BCAS3: variants seen among roughly 807,000 people sequenced by gnomAD.
BCAS3 encodes BCAS3 microtubule associated cell migration factor.
A neutral mutation model predicts 116.1 loss-of-function variants in BCAS3; 53 were observed. That is an observed-to-expected ratio of 0.46 (90% CI 0.37 to 0.57). The LOEUF is 0.57. Among genes scored for constraint, BCAS3 ranks in the 20% least tolerant of loss-of-function variants. BCAS3 has a pLI of 0.00. For synonymous variants in BCAS3, 391 were observed against 408.2 expected, an observed-to-expected ratio of 0.96 and a Z score of 0.51; for missense variants, 917 against 1,165.4, an observed-to-expected ratio of 0.79 and a Z score of 3.10.
intron 10 of BCAS3, among the ~76,000 whole-genome samples, chr17:60,896,681 CT>C (rs898960216): frequency 6.7e-6 from 1 of 149,100 alleles, no homozygotes; most frequent in African/African-American, 2.5e-5. Flanking sequence ...TGGAATATCT[CT>C]TTTTTTTTCC....
chr17:61,350,414 CAATAAATAAATA>C (rs55888678), intron 22 of BCAS3, among the ~76,000 whole-genome samples: 26 of 136,760 alleles, frequency 1.9e-4, no homozygotes, highest in Admixed American at 5.9e-4. Flanking sequence ...GACTCTGTCT[CAATAAATAAATA>C]AATAAATAAA....
intron 22 of BCAS3, among the ~76,000 whole-genome samples, chr17:61,197,722 C>T (rs1207318159): frequency 1.3e-5 from 2 of 152,148 alleles, no homozygotes; most frequent in African/African-American, 4.8e-5. Context: ...AAGAATAGTG[C>T]CAAGCCAGTC....
chr17:61,264,244 A>T (rs950562996), intron 22 of BCAS3, among the ~76,000 whole-genome samples: 1 of 152,108 alleles, frequency 6.6e-6, no homozygotes, highest in Non-Finnish European at 1.5e-5. Flanking sequence ...TTCTACTTCT[A>T]AGTATGTAAT....
intron 22 of BCAS3, among the ~76,000 whole-genome samples, chr17:61,246,792 A>AGAGTGTGTGTGTGT (rs932168562): frequency 6.9e-6 from 1 of 144,130 alleles, no homozygotes; most frequent in African/African-American, 2.5e-5. Flanking sequence ...TTTGAGTGAG[A>AGAGTGTGTGTGTGT]GTGTGTGTGT....
chr17:61,216,011 T>C (rs2081763991), intron 22 of BCAS3, among the ~76,000 whole-genome samples: 1 of 152,248 alleles, frequency 6.6e-6, no homozygotes, highest in African/African-American at 2.4e-5. Context: ...CGCTGATATT[T>C]CAGAACACTC....
chr17:61,093,123 G>T (rs566223138), intron 22 of BCAS3, among the ~76,000 whole-genome samples: 1 of 151,860 alleles, frequency 6.6e-6, no homozygotes, highest in East Asian at 1.9e-4. Flanking sequence ...GGCCAGGCTG[G>T]TCTCGAGCTC....
intron 8 of BCAS3, among the ~76,000 whole-genome samples, chr17:60,870,956 T>C (rs1160855814): frequency 6.6e-6 from 1 of 152,226 alleles, no homozygotes. Context: ...AAGTTCTTTC[T>C]AGCACAAGTT....
Position 61,161,322 on chromosome 17 carries a change from A to G in BCAS3, c.2425+76758A>G, listed in dbSNP as rs1456689951. ...GAAAAGTGTTAAATATTTCTTATCA[A>G]ATATTGTTAAAGAGGTATTCTGGTT... On this transcript the variant is annotated intron_variant, in intron 22 of 23. Coordinates refer to ENST00000407086, the MANE Select transcript of BCAS3 (RefSeq NM_017679.5). This position sits in a 1 kb window ranked among gnomAD's most constrained non-coding sequence, Gnocchi z 4.8. Among the ~76,000 whole-genome samples, 1 of 152,196 alleles carries G rather than the reference A, an allele frequency of 6.6e-6. No individual in the cohort carries two copies. The highest frequency in any genetic ancestry group is 2.4e-5 in the African/African-American group (1 of 41,452).
At chr17:60,932,887 C>T (rs889311812) in intron 13 of BCAS3, among the ~76,000 whole-genome samples, 2 of 151,680 alleles carry the variant, frequency 1.3e-5, no homozygotes, top group African/African-American at 4.8e-5. Context: ...TAAAATACCC[C>T]ATGGAGGCTG....
intron 14 of BCAS3, among the ~76,000 whole-genome samples, chr17:60,972,926 G>T (rs1179377445): frequency 2.0e-5 from 3 of 152,266 alleles, no homozygotes; most frequent in African/African-American, 7.2e-5. Flanking sequence ...GCTATATGCA[G>T]TTATCTTTAT....
Position 61,338,182 on chromosome 17 carries a change from G to A in BCAS3, c.2426-30145G>A, listed in dbSNP as rs183590771. On this transcript the variant is annotated intron_variant, in intron 22 of 23. Transcript: ENST00000407086. ...GTCATCCCTGTGGCCAGTCTCTGGC[G>A]GGGGCGGTAGGGGACAAACACTTTC... is the stretch of plus-strand genomic sequence containing the variant. Among the ~76,000 whole-genome samples the A allele has an allele frequency of 1.2e-4, 19 of 152,322 alleles. No individual in the cohort carries two copies. The East Asian group carries it at 1.5e-3, about 12-fold the overall frequency.
chr17:60,735,914 G>A (rs2040908140), intron 5 of BCAS3, among the ~76,000 whole-genome samples: 2 of 143,270 alleles, frequency 1.4e-5, no homozygotes, highest in Non-Finnish European at 2.9e-5. Context: ...GTAGCTTATC[G>A]ATGTGATGGC....
Position 60,993,125 on chromosome 17 carries a change from T to G in BCAS3, c.1486+2890T>G, listed in dbSNP as rs1446363757. On this transcript the variant is annotated intron_variant, in intron 15 of 23. Coordinates refer to ENST00000407086, the MANE Select transcript of BCAS3 (RefSeq NM_017679.5). This position sits in a 1 kb window ranked among gnomAD's most constrained non-coding sequence, Gnocchi z 4.2. ...TTTTTGTGTTAAGATTCAAGCATAA[T>G]GTGCACAAAAGATTGTGGGCATTCC... Among the ~76,000 whole-genome samples the G allele has an allele frequency of 6.6e-6, 1 of 152,222 alleles. No individual in the cohort carries two copies. The highest frequency in any genetic ancestry group is 2.4e-5 in the African/African-American group (1 of 41,462).
rs373741883 is a variant in BCAS3 at position 60,976,442 on chromosome 17, T to TATATA, written c.1222-13529_1222-13528insATATA. ...TTTGGAAACAATATATATATATATA[T>TATATA]TTTTTTTTTAGTATTTATTGATCAT... On this transcript the variant is annotated intron_variant, in intron 14 of 23. Transcript: ENST00000407086. Among the ~76,000 whole-genome samples the TATATA allele has an allele frequency of 4.1e-4, 57 of 138,962 alleles. 1 individual carries two copies. The highest frequency in any genetic ancestry group is 1.7e-3 in the Admixed American group (25 of 14,398). The allele number at this position is 138,962 out of a possible 152,430, so 91.2% of individuals were successfully genotyped here. A position where few individuals can be genotyped will look rare whatever the true frequency, so the allele number is the denominator to read the frequency against.
At chr17:60,740,151 C>T (rs1365380503) in intron 5 of BCAS3, among the ~76,000 whole-genome samples, 1 of 151,962 alleles carries the variant, frequency 6.6e-6, no homozygotes, top group African/African-American at 2.4e-5. Flanking sequence ...TGTTGAGTCT[C>T]TTCAGATTGT....
chr17:60,714,036 C>T (rs1226396828), intron 5 of BCAS3, among the ~76,000 whole-genome samples: 1 of 152,188 alleles, frequency 6.6e-6, no homozygotes, highest in African/African-American at 2.4e-5. Flanking sequence ...GGGGTTTCAC[C>T]ATGTTGGCCA....
chr17:61,052,715 C>CTTTTTTTTTTTTTT (rs60772345), intron 19 of BCAS3, among the ~76,000 whole-genome samples: 1 of 124,946 alleles, frequency 8.0e-6, no homozygotes, highest in Non-Finnish European at 1.7e-5. Flanking sequence ...TTCTTTCTTT[C>CTTTTTTTTTTTTTT]TTTTTTTTTT....
chr17:61,355,865 A>AGG lies in BCAS3; in HGVS notation c.2426-12461_2426-12460dup, dbSNP rs2058108471. Among the ~76,000 whole-genome samples the AGG allele has an allele frequency of 6.6e-6, 1 of 152,178 alleles. No individual in the cohort carries two copies. ...TTGTTTTTCCATTGAAGGAATTGCT[A>AGG]GGTTTCCGAGGATAGTTTGTCTTGC... On this transcript the variant is annotated intron_variant, in intron 22 of 23. Coordinates refer to ENST00000407086, the MANE Select transcript of BCAS3 (RefSeq NM_017679.5). This position sits in a 1 kb window ranked among gnomAD's most constrained non-coding sequence, Gnocchi z 4.2.
intron 15 of BCAS3, among the ~76,000 whole-genome samples, chr17:60,999,534 G>T (rs532176819): frequency 7.0e-6 from 1 of 142,138 alleles, no homozygotes; most frequent in East Asian, 2.0e-4. Flanking sequence ...GCGACAGGGT[G>T]AGACTGTGTC....
Sources: allele counts gnomAD v4.1 joint callset (sites outside exome capture counted in the v4.1 genomes callset), GRCh38; gene constraint gnomAD v4.1.1; non-coding constraint Gnocchi (gnomAD v3.1); transcripts MANE v1.5; gene names NCBI Gene and HGNC (gene_info 2026-07-23, HGNC 2026-07-21).